GLCCI1: variants seen among roughly 807,000 people sequenced by gnomAD.
The protein encoded by GLCCI1 is glucocorticoid-induced transcript 1 protein.
In GLCCI1, 24 loss-of-function variants were observed where a neutral mutation model predicts 52.2. The observed-to-expected ratio is 0.46, with a 90% CI of 0.33 to 0.65. The LOEUF is 0.65. Ranked by LOEUF, GLCCI1 falls within the 30% of genes least tolerant of loss-of-function variation. The probability of loss-of-function intolerance (pLI) is 0.02; values close to 1 mark genes in which losing one functional copy is unlikely to be tolerated. For synonymous variants in GLCCI1, 310 were observed against 276.5 expected (o/e 1.12, Z -1.20); for missense variants, 704 against 701.5 (o/e 1.00, Z -0.04).
intron 6 of GLCCI1, among the ~76,000 whole-genome samples, chr7:8,080,847 T>G (rs1782979104): frequency 6.6e-6 from 1 of 150,888 alleles, no homozygotes; most frequent in African/African-American, 2.4e-5. Context: ...TGGGGTTTTT[T>G]TTTTTTTTTT....
chr7:7,986,381 A>AG (rs35143945), intron 1 of GLCCI1, among the ~76,000 whole-genome samples: 51 of 150,714 alleles, frequency 3.4e-4, no homozygotes, highest in East Asian at 3.4e-3. Flanking sequence ...GAGCAGGGGG[A>AG]GGGGGGGGTG....
chr7:8,012,574 A>G (rs1372843868), intron 2 of GLCCI1, among the ~76,000 whole-genome samples: 2 of 149,324 alleles, frequency 1.3e-5, no homozygotes, highest in Non-Finnish European at 3.0e-5. Context: ...CCTCCCGAGT[A>G]GCTGGGACTA....
At position 8,055,418 on chromosome 7, in the gene GLCCI1, T is replaced by C. The variant is rs764383936; in HGVS notation, c.697-15T>C. On this transcript the variant is annotated splice_polypyrimidine_tract_variant and intron_variant, in intron 3 of 7. Transcript: ENST00000223145. ...CTTTTATTCTCTTCTTACTTCTCTT[T>C]CCCTGTCCCCAAAGCAGATCGCCAA... 1.3e-6 allele frequency: 2 copies of C among 1,546,240 alleles called. No homozygotes were observed. The highest frequency in any genetic ancestry group is 2.7e-5 in the African/African-American group (2 of 73,542).
At chr7:7,974,663 G>T (rs1780425310) in intron 1 of GLCCI1, among the ~76,000 whole-genome samples, 1 of 152,192 alleles carries the variant, frequency 6.6e-6, no homozygotes, top group East Asian at 1.9e-4. Context: ...AGTCGGAGAG[G>T]GTTTTCCTTA....
In GLCCI1 at chr7:8,014,224, G is replaced by A. The variant is rs78139597; in HGVS notation, c.610-8259G>A. 8.8e-3 allele frequency among the ~76,000 whole-genome samples: 1,332 copies of A among 152,100 alleles called. 13 individuals carry two copies. The highest frequency in any genetic ancestry group is 0.015 in the Non-Finnish European group (990 of 67,936). ...CAGGCTGGTCTCAAATTCCTCAGGT[G>A]GACCTCAGGTGATCCACCCATCTCG... On this transcript the variant is annotated intron_variant, in intron 2 of 7. Transcript: ENST00000223145.
intron 3 of GLCCI1, among the ~76,000 whole-genome samples, chr7:8,027,418 G>A (rs1423524703): frequency 3.9e-5 from 6 of 152,136 alleles, no homozygotes; most frequent in Non-Finnish European, 5.9e-5. Flanking sequence ...AGCCTGGGAG[G>A]TGGAGGTTGC....
chr7:8,018,544 G>A (rs910662093), intron 2 of GLCCI1, among the ~76,000 whole-genome samples: 1 of 152,138 alleles, frequency 6.6e-6, no homozygotes, highest in Non-Finnish European at 1.5e-5. Context: ...ATTTTACTTA[G>A]AGAAAAAGTG....
At chr7:7,999,834 T>C (rs1275207211) in intron 1 of GLCCI1, among the ~76,000 whole-genome samples, 1 of 152,116 alleles carries the variant, frequency 6.6e-6, no homozygotes, top group Non-Finnish European at 1.5e-5. Context: ...GTCTGGGAGT[T>C]TGAGGCTGCA....
chr7:7,989,915 G>T (rs2115415099), intron 1 of GLCCI1, among the ~76,000 whole-genome samples: 1 of 152,132 alleles, frequency 6.6e-6, no homozygotes, highest in Admixed American at 6.5e-5. Flanking sequence ...ACAAGTGTGT[G>T]ATCTCCATGA....
At chr7:7,977,734 T>G (rs1348231892) in intron 1 of GLCCI1, among the ~76,000 whole-genome samples, 4 of 152,216 alleles carry the variant, frequency 2.6e-5, no homozygotes, top group African/African-American at 4.8e-5. Flanking sequence ...CTTAAAATTT[T>G]TATTTATTGA....
intron 5 of GLCCI1, among the ~76,000 whole-genome samples, chr7:8,066,888 C>G (rs1418011453): frequency 6.6e-6 from 1 of 152,038 alleles, no homozygotes; most frequent in Non-Finnish European, 1.5e-5. Flanking sequence ...CTGTAGATGT[C>G]TATTCAGTTC....
At chr7:7,995,771 G>A (rs900759422) in intron 1 of GLCCI1, among the ~76,000 whole-genome samples, 5 of 152,100 alleles carry the variant, frequency 3.3e-5, no homozygotes, top group African/African-American at 1.2e-4. Flanking sequence ...AGAGTGGGGA[G>A]GGATAGCATT....
chr7:7,974,412 C>T (rs753444323), intron 1 of GLCCI1, among the ~76,000 whole-genome samples: 22 of 152,106 alleles, frequency 1.4e-4, no homozygotes, highest in Non-Finnish European at 2.9e-4. Flanking sequence ...ATATATCGAA[C>T]TGGAAATCAT....
At chr7:8,080,782 C>T (rs541520032) in intron 6 of GLCCI1, among the ~76,000 whole-genome samples, 30 of 150,092 alleles carry the variant, frequency 2.0e-4, no homozygotes, top group East Asian at 1.9e-3. Flanking sequence ...TAATATTCAG[C>T]GCTTACTGTG....
At chr7:8,084,617 A>G in intron 6 of GLCCI1, 1 of 272,478 alleles carries the variant, frequency 3.7e-6, no homozygotes, top group Non-Finnish European at 6.9e-6. Context: ...AATAAATAAC[A>G]TATTTGTTTT....
intron 3 of GLCCI1, among the ~76,000 whole-genome samples, chr7:8,041,293 G>A (rs1483920713): frequency 6.6e-6 from 1 of 152,184 alleles, no homozygotes; most frequent in Admixed American, 6.5e-5. Context: ...GAGAGAAGAG[G>A]AAGCTGCAGA....
intron 2 of GLCCI1, among the ~76,000 whole-genome samples, chr7:8,018,385 A>G (rs1199166127): frequency 1.3e-5 from 2 of 152,212 alleles, no homozygotes; most frequent in Non-Finnish European, 2.9e-5. Flanking sequence ...TAAAAAGCAT[A>G]TTGGCCCTTT....
Position 8,012,205 on chromosome 7 carries a change from G to T in GLCCI1, c.609+8146G>T, listed in dbSNP as rs541395304. On this transcript the variant is annotated intron_variant, in intron 2 of 7. Coordinates refer to ENST00000223145, the MANE Select transcript of GLCCI1 (RefSeq NM_138426.4). ...AACCTGGTATCTTACTTTGATTTTCGATTTGTATTTCCTAAATGATTAATG... is the reference window on the plus strand; with the variant it reads ...AACCTGGTATCTTACTTTGATTTTCTATTTGTATTTCCTAAATGATTAATG... 2.0e-5 allele frequency among the ~76,000 whole-genome samples: 3 copies of T among 151,818 alleles called. No homozygotes were observed. The South Asian group carries it at 6.3e-4, about 32-fold the overall frequency.
chr7:8,034,172 A>G (rs1036082821), intron 3 of GLCCI1, among the ~76,000 whole-genome samples: 5 of 152,164 alleles, frequency 3.3e-5, no homozygotes, highest in African/African-American at 1.2e-4. Context: ...TCTTTTCAAC[A>G]ATTGGTGCTA....
Sources: allele counts gnomAD v4.1 joint callset (sites outside exome capture counted in the v4.1 genomes callset), GRCh38; gene constraint gnomAD v4.1.1; transcripts MANE v1.5; gene names NCBI Gene and HGNC (gene_info 2026-07-23, HGNC 2026-07-21).